The following GRIN2C variants were observed in gnomAD, a reference collection of about 807,000 sequenced individuals.
GRIN2C encodes the protein glutamate ionotropic receptor NMDA type subunit 2C, also known as glutamate receptor ionotropic, NMDA 2C.
A neutral mutation model predicts 77.7 loss-of-function variants in GRIN2C; 64 were observed. That is an observed-to-expected ratio of 0.82 (90% CI 0.67 to 1.01). The LOEUF (loss-of-function observed/expected upper bound fraction) is 1.01. Ranked by LOEUF, GRIN2C falls within the 50% of genes least tolerant of loss-of-function variation. GRIN2C has a pLI of 0.00. For missense variants in GRIN2C, 1,549 were observed against 1,486.0 expected (o/e 1.04, Z -0.70); for synonymous variants, 792 against 643.4 (o/e 1.23, Z -3.49).
chr17:74,845,997 G>T, intron 11 of GRIN2C, 69 bp downstream of exon 11: 1 of 1,410,408 alleles, frequency 7.1e-7, no homozygotes, highest in Non-Finnish European at 1.0e-6. Context: ...AACTTGAGTG[G>T]TGGTGGAAAT....
chr17:74,845,803 A>C (rs1450182815), intron 11 of GRIN2C, among the ~76,000 whole-genome samples: 6 of 150,700 alleles, frequency 4.0e-5, no homozygotes, highest in Admixed American at 3.3e-4. Context: ...CCCCACCCCC[A>C]CCATGAGGCC....
At chr17:74,855,247 G>T in intron 1 of GRIN2C, 140 bp from the exon 2 acceptor site, 1 of 616,324 alleles carries the variant, frequency 1.6e-6, no homozygotes, top group Non-Finnish European at 2.7e-6. Context: ...AAGAGAGGCG[G>T]AGAGAGAGGG....
At chr17:74,854,596 C>T (rs1302246093) in intron 2 of GRIN2C, 98 bp downstream of exon 2, 2 of 965,804 alleles carry the variant, frequency 2.1e-6, no homozygotes, top group East Asian at 4.9e-5. Flanking sequence ...ACCTCCCTGC[C>T]CATCCCGTCT....
At chr17:74,852,658 C>T in intron 2 of GRIN2C, 47 bp from the exon 3 acceptor site, 1 of 879,492 alleles carries the variant, frequency 1.1e-6, no homozygotes, top group Non-Finnish European at 1.6e-6. Context: ...CGAGCCCCTC[C>T]TCCCGCCCCT....
chr17:74,848,010 G>A (rs372730559), intron 7 of GRIN2C, 33 bp from the exon 8 acceptor site: 14 of 1,612,620 alleles, frequency 8.7e-6, no homozygotes, highest in African/African-American at 6.7e-5. Context: ...CAGAGGCCTC[G>A]GCATGTTCCC....
chr17:74,847,824 C>T lies in GRIN2C; in HGVS notation c.1771+28G>A. 1 of 1,613,240 alleles carries T rather than the reference C, an allele frequency of 6.2e-7. No individual in the cohort carries two copies. Among genetic ancestry groups the T allele is most frequent in the Non-Finnish European group, 8.5e-7 (1 of 1,179,496 alleles). On this transcript the variant is annotated intron_variant, in intron 8 of 12. Transcript: ENST00000293190. The surrounding 1 kb of genome is among the most constrained non-coding windows in gnomAD (Gnocchi z 5.2). The stretch of plus-strand genomic sequence containing the variant: ...AGCCCTCAGGGTGCCCAGGCCCACC[C>T]CTCCTGCCGGGCCCAGGCAAGGCTT...
In GRIN2C at chr17:74,846,291, G is replaced by T; in HGVS notation, c.2163-38C>A. ...TGAGCCTCAGAGCTAGGGACCATAT[G>T]GGAGGGGAGGGGACACCGAAACTGG... On this transcript the variant is annotated intron_variant, in intron 10 of 12. Coordinates refer to ENST00000293190, the MANE Select transcript of GRIN2C (RefSeq NM_000835.6). This position sits in a 1 kb window ranked among gnomAD's most constrained non-coding sequence, Gnocchi z 4.4. The T allele has an allele frequency of 6.3e-7, 1 of 1,575,982 alleles. No homozygotes were observed. The highest frequency in any genetic ancestry group is 8.7e-7 in the Non-Finnish European group (1 of 1,147,272).
In GRIN2C at chr17:74,849,743, T is replaced by A. The variant is rs1317690003; in HGVS notation, c.1645+37A>T. 1 of 1,586,226 alleles carries A rather than the reference T, an allele frequency of 6.3e-7. No homozygotes were observed. The highest frequency in any genetic ancestry group is 1.4e-5 in the African/African-American group (1 of 73,560). ...TACACACCCTCCTCGTGGGCCCCTC[T>A]GCCCCCGGAGCCGTCTCTGCCCACC... On this transcript the variant is annotated intron_variant, in intron 7 of 12. Transcript: ENST00000293190. This position sits in a 1 kb window ranked among gnomAD's most constrained non-coding sequence, Gnocchi z 4.6.
Position 74,843,247 on chromosome 17 carries a change from C to G in GRIN2C, c.2890G>C (p.Asp964His). 1 of 714,418 alleles carries G rather than the reference C, an allele frequency of 1.4e-6. No homozygotes were observed. The highest frequency in any genetic ancestry group is 2.0e-6 in the Non-Finnish European group (1 of 490,342). The allele number at this position is 714,418 out of a possible 1,614,324, so 44.3% of individuals were successfully genotyped here. ...EPSPTGWGPP[D>H]GGRAALVRRA... ...CGCACAAGCGCCGCGCGACCCCCGT[C>G]TGGCGGTCCCCAGCCCGTGGGGCTC... Residue 964 changes from aspartate (D) to histidine (H), a missense_variant, in exon 13 of 13, where the codon GAC becomes CAC. Transcript: ENST00000293190.
In GRIN2C at chr17:74,843,290, G is replaced by C. The variant is rs750336406; in HGVS notation, c.2847C>G (p.Pro949=). ...TGGGGCTCGGCTCTGGGGGCGGGTCGGGGGTGGGCAGGCATGGGCTGGGGC... is the reference window on the plus strand; with the variant it reads ...TGGGGCTCGGCTCTGGGGGCGGGTCCGGGGTGGGCAGGCATGGGCTGGGGC... The part of the protein sequence containing the change: ...RSGPSPCLPT[P]DPPPEPSPTG... Residue 949 remains proline, a synonymous_variant, in exon 13 of 13, where the codon CCC becomes CCG. Transcript: ENST00000293190. 3 of 1,151,426 alleles carry C rather than the reference G, an allele frequency of 2.6e-6. No individual in the cohort carries two copies. The highest frequency in any genetic ancestry group is 3.2e-5 in the South Asian group (2 of 63,354). The allele number at this position is 1,151,426 out of a possible 1,614,324, so 71.3% of individuals were successfully genotyped here. A position where few individuals can be genotyped will look rare whatever the true frequency, so the allele number is the denominator to read the frequency against.
At position 74,850,594 on chromosome 17, in the gene GRIN2C, G is replaced by A. The variant is rs1157114934; in HGVS notation, c.1287C>T (p.Asn429=). The change falls in exon 5 of 13, where the codon AAC becomes AAT. Residue 429 remains asparagine (N), a synonymous_variant. Transcript: ENST00000293190. The surrounding 1 kb of genome is among the most constrained non-coding windows in gnomAD (Gnocchi z 5.3). ...PDPGTGGCVP[N]TVPCRRQSNH... ...TGCTCTGCCTGCGGCAGGGCACGGT[G>A]TTGGGGACACAGCCTCCTGTGCCAG... The A allele has an allele frequency of 3.7e-6, 6 of 1,613,586 alleles. No individual in the cohort carries two copies. The highest frequency in any genetic ancestry group is 5.1e-6 in the Non-Finnish European group (6 of 1,180,024).
At position 74,847,787 on chromosome 17, in the gene GRIN2C, G is replaced by A; in HGVS notation, c.1771+65C>T. On this transcript the variant is annotated intron_variant, in intron 8 of 12. Transcript: ENST00000293190. This position sits in a 1 kb window ranked among gnomAD's most constrained non-coding sequence, Gnocchi z 5.2. ...AAAGGTATTCTCTGAAGGACCCGTT[G>A]CCCCTGAGCCCAGCCCTCAGGGTGC... The A allele has an allele frequency of 1.3e-6, 2 of 1,565,506 alleles. No individual in the cohort carries two copies. The highest frequency in any genetic ancestry group is 1.8e-6 in the Non-Finnish European group (2 of 1,139,504).
upstream of GRIN2C, among the ~76,000 whole-genome samples, chr17:74,861,096 G>GGTT (rs2037941541): frequency 6.6e-6 from 1 of 152,214 alleles, no homozygotes; most frequent in Non-Finnish European, 1.5e-5. Flanking sequence ...CCGCGGTGCT[G>GGTT]CCGCGCCAAG....
rs1042601546 is a variant in GRIN2C, at chr17:74,850,099, T to C, written c.1491+107A>G. ...GTACTGACCACCCCAGGAGTCATCA[T>C]TGGTGACAGCCCATGCCCCCCTCTA... On this transcript the variant is annotated intron_variant, in intron 6 of 12. Coordinates refer to ENST00000293190, the MANE Select transcript of GRIN2C (RefSeq NM_000835.6). This position sits in a 1 kb window ranked among gnomAD's most constrained non-coding sequence, Gnocchi z 5.3. 90 of 1,391,120 alleles carry C rather than the reference T, an allele frequency of 6.5e-5. No individual in the cohort carries two copies. The highest frequency in any genetic ancestry group is 1.1e-4 in the African/African-American group (8 of 71,004). 86.2% of individuals were successfully genotyped at this position (1,391,120 alleles called of 1,614,324 possible).
At position 74,850,484 on chromosome 17, in the gene GRIN2C, G is replaced by A. The variant is rs2144587021; in HGVS notation, c.1325+72C>T. ...GACCCCTGCCCCACACCCAAGCATG[G>A]GACATACACGACACCTGACCATCAC... is the stretch of plus-strand genomic sequence containing the variant. On this transcript the variant is annotated intron_variant, in intron 5 of 12. Transcript: ENST00000293190. The surrounding 1 kb of genome is among the most constrained non-coding windows in gnomAD (Gnocchi z 5.3). 6.4e-7 allele frequency: 1 copy of A among 1,567,624 alleles called. No individual in the cohort carries two copies. The highest frequency in any genetic ancestry group is 8.8e-7 in the Non-Finnish European group (1 of 1,142,370).
intron 12 of GRIN2C, chr17:74,844,044 T>TTTTA (rs1472074378): frequency 2.4e-6 from 2 of 831,800 alleles, no homozygotes; most frequent in Non-Finnish European, 3.6e-6. Flanking sequence ...CAGCTAATTC[T>TTTTA]TTTATTTTCT....
At position 74,850,732 on chromosome 17, in the gene GRIN2C, C is replaced by T; in HGVS notation, c.1149G>A (p.Lys383=). The T allele has an allele frequency of 5.6e-6, 9 of 1,613,382 alleles. No homozygotes were observed. The highest frequency in any genetic ancestry group is 5.9e-6 in the Non-Finnish European group (7 of 1,179,982). The change falls in exon 5 of 13, where the codon AAG becomes AAA. Residue 383 remains lysine, a synonymous_variant. Transcript: ENST00000293190. The surrounding 1 kb of genome is among the most constrained non-coding windows in gnomAD (Gnocchi z 5.3). ...GRWEHGVLYM[K]YPVWPRYSAS... ...CACTGTAGCGAGGCCACACGGGGTACTTCATGTATAGGACGCCATGCTCCC... is the reference window on the plus strand; with the variant it reads ...CACTGTAGCGAGGCCACACGGGGTATTTCATGTATAGGACGCCATGCTCCC...
intron 12 of GRIN2C, chr17:74,844,025 C>T: frequency 1.4e-6 from 1 of 701,420 alleles, no homozygotes. Flanking sequence ...AGGCGCGCAC[C>T]ACCACGCCCA....
chr17:74,861,456 G>T (rs1046118699), upstream of GRIN2C: 4 of 151,936 alleles, frequency 2.6e-5, no homozygotes, highest in Non-Finnish European at 4.4e-5. Context: ...CGCCCGCGAC[G>T]AGAGCCCGCG....
Sources: gnomAD v4.1 joint callset for allele counts (sites outside exome capture counted in the v4.1 genomes callset) on GRCh38, gnomAD v4.1.1 for gene constraint, Gnocchi (gnomAD v3.1) non-coding constraint, MANE v1.5 for transcripts, NCBI Gene and HGNC (gene_info 2026-07-23, HGNC 2026-07-21) for gene names.